The following PARP15 variants were observed in gnomAD, a reference collection of about 807,000 sequenced individuals.
PARP15 encodes protein mono-ADP-ribosyltransferase PARP15.
In PARP15, 50 loss-of-function variants were observed where a neutral mutation model predicts 62.1. That is an observed-to-expected ratio of 0.81 (90% CI 0.64 to 1.02). The LOEUF is 1.02. Among genes scored for constraint, PARP15 ranks in the 50% least tolerant of loss-of-function variants. The pLI is 0.00. For synonymous variants in PARP15, 309 were observed against 293.1 expected, an observed-to-expected ratio of 1.05 and a Z score of -0.55; for missense variants, 820 against 826.5, an observed-to-expected ratio of 0.99 and a Z score of 0.10.
intron 1 of PARP15, among the ~76,000 whole-genome samples, chr3:122,600,230 A>G (rs1934684274): frequency 6.6e-6 from 1 of 152,168 alleles, no homozygotes; most frequent in African/African-American, 2.4e-5. Flanking sequence ...AAAGTAGGCT[A>G]GGGAGTTCAA....
rs113471412 is a variant in PARP15 at position 122,615,608 on chromosome 3, G to A, written c.772-171G>A. On this transcript the variant is annotated intron_variant, in intron 4 of 11. Transcript: ENST00000464300. ...AAGCAAATCAGCACTGCTATTTGTG[G>A]AGAAAATTCCTAGGTTGAACCGCAA... 38 of 1,398,358 alleles carry A rather than the reference G, an allele frequency of 2.7e-5. No individual in the cohort carries two copies. In the African/African-American group the frequency reaches 2.9e-4, roughly 11 times the overall value. 86.6% of individuals were successfully genotyped at this position (1,398,358 alleles called of 1,614,324 possible).
intron 1 of PARP15, among the ~76,000 whole-genome samples, chr3:122,601,036 GTTTTTTTTTTTT>G (rs771581231): frequency 1.4e-5 from 1 of 73,036 alleles, no homozygotes; most frequent in Non-Finnish European, 2.4e-5. Context: ...GTCTTTTATG[GTTTTTTTTTTTT>G]TTTTTTTTTT....
At position 122,605,924 on chromosome 3, in the gene PARP15, T is replaced by C. The variant is rs1366061141; in HGVS notation, c.187-12T>C. The C allele has an allele frequency of 3.2e-5, 50 of 1,550,304 alleles. No homozygotes were observed. In the Admixed American group the frequency reaches 9.6e-4, roughly 30 times the overall value. ...TGGCATTGCTGGTAATGCTTTACTG[T>C]TTTCTCCACAGTCCAGAGACAACAA... is the stretch of plus-strand genomic sequence containing the variant. On this transcript the variant is annotated splice_polypyrimidine_tract_variant and intron_variant, in intron 1 of 11. Coordinates refer to ENST00000464300, the MANE Select transcript of PARP15 (RefSeq NM_001113523.3).
In PARP15 at chr3:122,621,517, TG is replaced by T. The variant is rs1299504949; in HGVS notation, c.1142del (p.Gly381GlufsTer12). The T allele has an allele frequency of 1.2e-6, 2 of 1,613,884 alleles. No individual in the cohort carries two copies. Among genetic ancestry groups the T allele is most frequent in the African/African-American group, 2.7e-5 (2 of 74,908 alleles). On this transcript the variant is annotated frameshift_variant, in exon 8 of 12. Coordinates refer to ENST00000464300, the MANE Select transcript of PARP15 (RefSeq NM_001113523.3). LOFTEE classifies it high-confidence loss of function. ...LKCKIIIHVP[G>X]GKDVRKTVTS... ...AGTGCAAAATAATAATTCATGTTCCTGGGGGAAAAGATGTCAGGAAAACGGT... is the reference window on the plus strand; with the variant it reads ...AGTGCAAAATAATAATTCATGTTCCTGGGGAAAAGATGTCAGGAAAACGGT...
intron 6 of PARP15, among the ~76,000 whole-genome samples, chr3:122,618,795 C>T (rs1293536877): frequency 6.6e-6 from 1 of 152,152 alleles, no homozygotes; most frequent in Non-Finnish European, 1.5e-5. Context: ...CCCTCTCCTG[C>T]ATGGATCCCA....
chr3:122,594,974 T>C (rs1191338393), intron 1 of PARP15: 1 of 647,920 alleles, frequency 1.5e-6, no homozygotes, highest in African/African-American at 2.0e-5. Context: ...TTGAGTTTTC[T>C]GACTACAAAG....
chr3:122,605,702 TA>T (rs1257275032), intron 1 of PARP15, among the ~76,000 whole-genome samples: 1 of 152,158 alleles, frequency 6.6e-6, no homozygotes, highest in Non-Finnish European at 1.5e-5. Flanking sequence ...GCCTCCTAAG[TA>T]GTGGGCACTA....
At chr3:122,617,274 G>A (rs1368637493) in intron 6 of PARP15, 110 bp downstream of exon 6, 9 of 1,190,560 alleles carry the variant, frequency 7.6e-6, no homozygotes, top group African/African-American at 3.1e-5. Context: ...GAAAATATGT[G>A]GTCTCTGAAC....
intron 1 of PARP15, chr3:122,594,587 G>C: frequency 1.0e-6 from 1 of 969,090 alleles, no homozygotes; most frequent in Non-Finnish European, 1.2e-6. Flanking sequence ...TATAGGGTAG[G>C]GGAGGTTGAA....
intron 3 of PARP15, among the ~76,000 whole-genome samples, chr3:122,612,293 G>A (rs569226517): frequency 6.6e-6 from 1 of 151,498 alleles, no homozygotes; most frequent in South Asian, 2.1e-4. Context: ...GGACTCAAGC[G>A]ATCTGCCCAC....
At chr3:122,600,714 A>G (rs1040766902) in intron 1 of PARP15, among the ~76,000 whole-genome samples, 2 of 152,182 alleles carry the variant, frequency 1.3e-5, no homozygotes, top group African/African-American at 4.8e-5. Context: ...TTAACAGTGA[A>G]AAGTAGAATA....
chr3:122,600,396 G>C (rs1023033868), intron 1 of PARP15, among the ~76,000 whole-genome samples: 5 of 151,920 alleles, frequency 3.3e-5, no homozygotes, highest in African/African-American at 1.2e-4. Context: ...ATTTTAAAAC[G>C]TAGCTTTATG....
Position 122,613,038 on chromosome 3 carries a change from C to T in PARP15, c.544-3C>T. ...TTATGTAAATGTACTTTGCACATTT[C>T]AGATCATGGCAAATATAATCAAGAA... On this transcript the variant is annotated splice_region_variant and splice_polypyrimidine_tract_variant and intron_variant, in intron 3 of 11. Coordinates refer to ENST00000464300, the MANE Select transcript of PARP15 (RefSeq NM_001113523.3). 2.1e-5 allele frequency: 32 copies of T among 1,549,506 alleles called. No individual in the cohort carries two copies. Among genetic ancestry groups the T allele is most frequent in the Non-Finnish European group, 2.8e-5 (32 of 1,144,776 alleles).
At chr3:122,591,920 T>G (rs1006902131) in intron 1 of PARP15, among the ~76,000 whole-genome samples, 3 of 152,176 alleles carry the variant, frequency 2.0e-5, no homozygotes, top group Admixed American at 6.5e-5. Context: ...GAATGGTGAT[T>G]ATTAAAAAGT....
At chr3:122,614,205 T>TA (rs1371684818) in intron 4 of PARP15, among the ~76,000 whole-genome samples, 1 of 152,162 alleles carries the variant, frequency 6.6e-6, no homozygotes, top group Admixed American at 6.5e-5. Flanking sequence ...TTCTAACTAT[T>TA]AAAACGGGTG....
chr3:122,636,036 A>T lies in PARP15; in HGVS notation c.1973A>T (p.Lys658Met), dbSNP rs755241698. The T allele has an allele frequency of 6.2e-7, 1 of 1,614,088 alleles. No homozygotes were observed. The highest frequency in any genetic ancestry group is 1.7e-5 in the Admixed American group (1 of 60,000). ...GTGACAAACAATACACGATCTCCAA[A>T]GCTATTTGTGGTATTCTTTGATAAT... ...DSVTNNTRSP[K>M]LFVVFFDNQA... Residue 658 changes from lysine to methionine, a missense_variant, in exon 12 of 12, where the codon AAG becomes ATG. Physicochemically the swap from Lys to Met is moderately conservative, Grantham distance 95 (BLOSUM62 -1). Transcript: ENST00000464300.
intron 4 of PARP15, chr3:122,614,962 T>C: frequency 1.6e-6 from 1 of 614,756 alleles, no homozygotes; most frequent in Non-Finnish European, 2.0e-6. Context: ...TCCAGGGGGT[T>C]GAGGCTGCAG....
At chr3:122,606,243 C>T (rs1935152204) in intron 2 of PARP15, among the ~76,000 whole-genome samples, 188 bp downstream of exon 2, 1 of 152,140 alleles carries the variant, frequency 6.6e-6, no homozygotes. Flanking sequence ...TATATTCTTC[C>T]ACATGTACTC....
chr3:122,586,172 T>A (rs2107807524), intron 1 of PARP15, among the ~76,000 whole-genome samples: 1 of 152,318 alleles, frequency 6.6e-6, no homozygotes, highest in East Asian at 1.9e-4. Context: ...CAATATTTAT[T>A]AAGTGATGAT....
Sources: allele counts gnomAD v4.1 joint callset (sites outside exome capture counted in the v4.1 genomes callset), GRCh38; gene constraint gnomAD v4.1.1; transcripts MANE v1.5; gene names NCBI Gene and HGNC (gene_info 2026-07-23, HGNC 2026-07-21).